The following SPECC1 variants were observed in gnomAD, a reference collection of about 807,000 sequenced individuals.
SPECC1 encodes sperm antigen with calponin homology and coiled-coil domains 1, also known as cytospin-B.
Under a neutral mutation model 104.1 loss-of-function variants are expected in SPECC1, and 62 were observed. The observed-to-expected ratio is 0.60, with a 90% confidence interval of 0.49 to 0.74. The LOEUF is 0.74. Among genes scored for constraint, SPECC1 ranks in the 30% least tolerant of loss-of-function variants. The pLI, the probability that SPECC1 is intolerant of heterozygous loss-of-function variation, is 0.00. For synonymous variants in SPECC1, 513 were observed against 501.6 expected (o/e 1.02, Z -0.30); for missense variants, 1,306 against 1,310.5 (o/e 1.00, Z 0.05).
chr17:20,123,016 T>C (rs2049113017), intron 3 of SPECC1, among the ~76,000 whole-genome samples: 1 of 152,224 alleles, frequency 6.6e-6, no homozygotes. Flanking sequence ...GATTGCTGGA[T>C]TCTCCTGATG....
chr17:20,039,347 G>A (rs2045227982), intron 1 of SPECC1, among the ~76,000 whole-genome samples: 1 of 152,128 alleles, frequency 6.6e-6, no homozygotes, highest in Admixed American at 6.6e-5. Flanking sequence ...TTAAGAGAGG[G>A]TGTTGAATCT....
intron 7 of SPECC1, among the ~76,000 whole-genome samples, chr17:20,240,060 ATTTTTTTTTTTT>A (rs748689632): frequency 1.0e-3 from 33 of 32,198 alleles, no homozygotes; most frequent in Admixed American, 1.5e-3. Flanking sequence ...TGTCCAGCTA[ATTTTTTTTTTTT>A]TTTTTTTTTT....
chr17:20,266,880 C>T (rs1341149952), intron 12 of SPECC1, among the ~76,000 whole-genome samples: 2 of 152,150 alleles, frequency 1.3e-5, no homozygotes, highest in Non-Finnish European at 2.9e-5. Flanking sequence ...CTTTATTTCC[C>T]ACCAAGGCCT....
intron 3 of SPECC1, among the ~76,000 whole-genome samples, chr17:20,186,523 G>T (rs973858852): frequency 3.3e-5 from 5 of 152,168 alleles, no homozygotes; most frequent in Non-Finnish European, 5.9e-5. Flanking sequence ...TGTGTCTCAT[G>T]TATACTAAAA....
At chr17:20,058,420 A>C (rs887396586) in intron 1 of SPECC1, among the ~76,000 whole-genome samples, 1 of 152,158 alleles carries the variant, frequency 6.6e-6, no homozygotes, top group Admixed American at 6.5e-5. Flanking sequence ...ACTTGAGTCC[A>C]GGAGTTTGAG....
intron 12 of SPECC1, among the ~76,000 whole-genome samples, chr17:20,284,443 G>A (rs1043223587): frequency 8.5e-5 from 13 of 152,252 alleles, no homozygotes; most frequent in Non-Finnish European, 1.5e-4. Flanking sequence ...GAGGCCACTC[G>A]AGGTTTACCA....
intron 3 of SPECC1, among the ~76,000 whole-genome samples, chr17:20,201,231 G>A (rs1032679943): frequency 3.3e-5 from 5 of 152,096 alleles, no homozygotes; most frequent in Admixed American, 6.5e-5. Context: ...AGGCCAAGGC[G>A]GGGAGATCAC....
chr17:20,145,659 A>G (rs937653111), intron 3 of SPECC1, among the ~76,000 whole-genome samples: 7 of 152,312 alleles, frequency 4.6e-5, no homozygotes, highest in Admixed American at 2.6e-4. Context: ...GTCTCATAGC[A>G]TCCTTGACCT....
chr17:20,212,381 T>C (rs2037209058), intron 4 of SPECC1, among the ~76,000 whole-genome samples: 2 of 151,958 alleles, frequency 1.3e-5, no homozygotes, highest in Admixed American at 1.3e-4. Context: ...TACCTGAGAC[T>C]GGAAAGAAAA....
At chr17:20,186,173 A>G (rs1241494404) in intron 3 of SPECC1, among the ~76,000 whole-genome samples, 2 of 152,160 alleles carry the variant, frequency 1.3e-5, no homozygotes, top group Non-Finnish European at 2.9e-5. Flanking sequence ...TTGCATTTTA[A>G]CTACAGACAC....
chr17:20,106,870 T>C (rs2048226371), intron 2 of SPECC1, among the ~76,000 whole-genome samples: 1 of 151,910 alleles, frequency 6.6e-6, no homozygotes, highest in African/African-American at 2.4e-5. Context: ...GAAAATGTGG[T>C]CGTGGGCCAG....
chr17:20,035,321 A>C (rs1168975090), intron 1 of SPECC1, among the ~76,000 whole-genome samples: 2 of 152,054 alleles, frequency 1.3e-5, no homozygotes, highest in Admixed American at 1.3e-4. Flanking sequence ...ATCTATGTAA[A>C]ATTTTTCTGG....
chr17:20,173,021 T>C (rs945325605), intron 3 of SPECC1, among the ~76,000 whole-genome samples: 1 of 152,248 alleles, frequency 6.6e-6, no homozygotes, highest in Non-Finnish European at 1.5e-5. Flanking sequence ...GCTACATCTA[T>C]GAAATCCCTT....
At chr17:20,073,817 A>T (rs1172463800) in intron 1 of SPECC1, 1 of 152,248 alleles carries the variant, frequency 6.6e-6, no homozygotes, top group Admixed American at 6.5e-5. Context: ...TCTTGGTGTG[A>T]CTAAGGCAGT....
intron 7 of SPECC1, among the ~76,000 whole-genome samples, chr17:20,240,714 C>T (rs2039163990): frequency 6.6e-6 from 1 of 152,230 alleles, no homozygotes; most frequent in African/African-American, 2.4e-5. Flanking sequence ...GAGACCTGCC[C>T]TAGATGTGCT....
chr17:20,172,357 T>C (rs2034154029), intron 3 of SPECC1, among the ~76,000 whole-genome samples: 1 of 152,226 alleles, frequency 6.6e-6, no homozygotes, highest in African/African-American at 2.4e-5. Flanking sequence ...AGTTTACTCC[T>C]GTTATTTTTA....
chr17:20,018,679 A>C (rs761945853), intron 1 of SPECC1, among the ~76,000 whole-genome samples: 1 of 152,248 alleles, frequency 6.6e-6, no homozygotes, highest in Non-Finnish European at 1.5e-5. Context: ...GTGAAAGGAT[A>C]CAAAGCACAA....
chr17:20,239,281 G>C, intron 7 of SPECC1: 1 of 1,013,144 alleles, frequency 9.9e-7, no homozygotes. Context: ...AAATGGAGAC[G>C]TGTGAAGAAA....
intron 2 of SPECC1, among the ~76,000 whole-genome samples, chr17:20,108,889 A>G (rs1419284985): frequency 6.6e-6 from 1 of 152,152 alleles, no homozygotes; most frequent in Non-Finnish European, 1.5e-5. Context: ...ACTGCCTTTC[A>G]GCAAATGTTT....
Sources: gnomAD v4.1 joint callset for allele counts (sites outside exome capture counted in the v4.1 genomes callset) on GRCh38, gnomAD v4.1.1 for gene constraint, MANE v1.5 for transcripts, NCBI Gene and HGNC (gene_info 2026-07-23, HGNC 2026-07-21) for gene names.